Variants in MYO1B observed in about 807,000 individuals in gnomAD.
MYO1B encodes the protein unconventional myosin-Ib.
In MYO1B, 72 loss-of-function variants were observed where a neutral mutation model predicts 159.7. That is an observed-to-expected ratio of 0.45 (90% CI 0.37 to 0.55). The LOEUF is 0.55. Ranked by LOEUF, MYO1B falls within the 20% of genes least tolerant of loss-of-function variation. The pLI is 0.00. For synonymous variants in MYO1B, 468 were observed against 473.8 expected, an observed-to-expected ratio of 0.99 and a Z score of 0.16; for missense variants, 1,062 against 1,364.8, an observed-to-expected ratio of 0.78 and a Z score of 3.50.
chr2:191,257,354 T>A (rs527966573), intron 1 of MYO1B, among the ~76,000 whole-genome samples: 42 of 152,294 alleles, frequency 2.8e-4, no homozygotes, highest in South Asian at 8.3e-4. Context: ...GAGGGGATGT[T>A]GAAGTTAAAT....
intron 1 of MYO1B, among the ~76,000 whole-genome samples, chr2:191,269,869 A>G (rs1262282509): frequency 6.6e-6 from 1 of 152,070 alleles, no homozygotes. Context: ...GGATGGATCA[A>G]TTGTTATTTT....
Position 191,259,247 on chromosome 2 carries a change from A to G in MYO1B, c.-10+13621A>G, listed in dbSNP as rs146422587. Among the ~76,000 whole-genome samples, 80 of 152,318 alleles carry G rather than the reference A, an allele frequency of 5.3e-4. No homozygotes were observed. In the East Asian group the frequency reaches 0.015, roughly 28 times the overall value. ...TCTCATGCCGTGGGCTGCAAGCATA[A>G]TAGGATTTAGGGGGAAACTTTATTT... On this transcript the variant is annotated intron_variant, in intron 1 of 30. Coordinates refer to ENST00000392318, the MANE Select transcript of MYO1B (RefSeq NM_001130158.3).
intron 5 of MYO1B, among the ~76,000 whole-genome samples, chr2:191,344,516 T>C (rs1254616332): frequency 6.6e-6 from 1 of 152,148 alleles, no homozygotes; most frequent in African/African-American, 2.4e-5. Flanking sequence ...TTAACCAAGC[T>C]TGGGCAACTA....
chr2:191,417,894 C>A (rs971922278), intron 30 of MYO1B, among the ~76,000 whole-genome samples: 13 of 152,126 alleles, frequency 8.5e-5, no homozygotes, highest in Non-Finnish European at 1.9e-4. Flanking sequence ...AGCTTGTGTT[C>A]GAAGGTGTGC....
rs1695156315 is a variant in MYO1B, at chr2:191,383,360, G to A, written c.1353+18G>A. On this transcript the variant is annotated intron_variant, in intron 15 of 30. Coordinates refer to ENST00000392318, the MANE Select transcript of MYO1B (RefSeq NM_001130158.3). ...TAGAAAATGTGAGTACTTAGGTACAGTTTTCTAAAGAATGTTTTAGTCCTA... is the reference window on the plus strand; with the variant it reads ...TAGAAAATGTGAGTACTTAGGTACAATTTTCTAAAGAATGTTTTAGTCCTA... The A allele has an allele frequency of 6.6e-7, 1 of 1,513,380 alleles. No individual in the cohort carries two copies. The highest frequency in any genetic ancestry group is 1.4e-5 in the African/African-American group (1 of 70,752). The allele number at this position is 1,513,380 out of a possible 1,614,324, so 93.7% of individuals were successfully genotyped here. A position where few individuals can be genotyped will look rare whatever the true frequency, so the allele number is the denominator to read the frequency against.
intron 16 of MYO1B, 80 bp downstream of exon 16, chr2:191,386,164 G>A (rs111552879): frequency 0.032 from 42,217 of 1,327,148 alleles, 1,516 homozygotes; most frequent in African/African-American, 0.16. Flanking sequence ...ATGGGCGTTC[G>A]AAACCCCATT....
At chr2:191,312,683 C>T (rs1690079905) in intron 3 of MYO1B, among the ~76,000 whole-genome samples, 1 of 152,096 alleles carries the variant, frequency 6.6e-6, no homozygotes, top group African/African-American at 2.4e-5. Context: ...TCAGGTAACA[C>T]CATCCAATGT....
At chr2:191,407,307 A>G (rs944027556) in intron 24 of MYO1B, among the ~76,000 whole-genome samples, 2 of 152,218 alleles carry the variant, frequency 1.3e-5, no homozygotes, top group African/African-American at 4.8e-5. Context: ...AAAGATATGT[A>G]ATATCTGAAT....
chr2:191,272,364 A>G (rs1687503178), intron 1 of MYO1B, among the ~76,000 whole-genome samples: 1 of 152,210 alleles, frequency 6.6e-6, no homozygotes, highest in African/African-American at 2.4e-5. Flanking sequence ...TTGAAACTAG[A>G]ACATGGTCTG....
intron 6 of MYO1B, 83 bp downstream of exon 6, chr2:191,346,365 T>G: frequency 1.2e-6 from 1 of 859,586 alleles, no homozygotes; most frequent in Admixed American, 3.9e-5. Flanking sequence ...TTAATATTTC[T>G]TAATACACAC....
intron 4 of MYO1B, among the ~76,000 whole-genome samples, chr2:191,337,087 T>C (rs1264326327): frequency 2.0e-5 from 3 of 152,134 alleles, no homozygotes; most frequent in Non-Finnish European, 4.4e-5. Context: ...TCTCAAGCCT[T>C]TTTTCCCCCA....
chr2:191,353,753 G>A (rs1244843909), intron 7 of MYO1B, among the ~76,000 whole-genome samples: 1 of 152,162 alleles, frequency 6.6e-6, no homozygotes, highest in African/African-American at 2.4e-5. Flanking sequence ...AATAACAATA[G>A]GACTGATTGC....
At chr2:191,276,014 C>G (rs939427482) in intron 1 of MYO1B, among the ~76,000 whole-genome samples, 1 of 152,184 alleles carries the variant, frequency 6.6e-6, no homozygotes. Context: ...GCCTTTGTAG[C>G]GTGCCTCTGT....
At chr2:191,364,648 C>T (rs1693884404) in intron 11 of MYO1B, among the ~76,000 whole-genome samples, 1 of 152,168 alleles carries the variant, frequency 6.6e-6, no homozygotes, top group Admixed American at 6.5e-5. Flanking sequence ...GCATGACTGC[C>T]TTGTATTTCA....
At chr2:191,375,006 C>G (rs916197626) in intron 13 of MYO1B, among the ~76,000 whole-genome samples, 1 of 152,182 alleles carries the variant, frequency 6.6e-6, no homozygotes, top group Non-Finnish European at 1.5e-5. Flanking sequence ...TTAAAACTGG[C>G]AGATATTTTA....
At chr2:191,316,993 T>A (rs2125880848) in intron 3 of MYO1B, among the ~76,000 whole-genome samples, 1 of 152,336 alleles carries the variant, frequency 6.6e-6, no homozygotes, top group East Asian at 1.9e-4. Flanking sequence ...TGCAGAAAAC[T>A]TGTTCTCAAC....
intron 1 of MYO1B, among the ~76,000 whole-genome samples, chr2:191,257,666 A>G (rs1214181518): frequency 6.6e-6 from 1 of 152,200 alleles, no homozygotes; most frequent in Non-Finnish European, 1.5e-5. Context: ...GGCATTTTAT[A>G]AGTATCTTAA....
intron 2 of MYO1B, among the ~76,000 whole-genome samples, chr2:191,289,666 A>G (rs1333529596): frequency 6.6e-6 from 1 of 152,208 alleles, no homozygotes; most frequent in African/African-American, 2.4e-5. Flanking sequence ...AGAGAATTCG[A>G]TATTTCAAAA....
intron 1 of MYO1B, among the ~76,000 whole-genome samples, chr2:191,270,181 A>G (rs948127544): frequency 4.6e-5 from 7 of 152,234 alleles, no homozygotes; most frequent in African/African-American, 1.7e-4. Flanking sequence ...ACAACATATC[A>G]AAATTTACAA....
Sources: allele counts gnomAD v4.1 joint callset (sites outside exome capture counted in the v4.1 genomes callset), GRCh38; gene constraint gnomAD v4.1.1; transcripts MANE v1.5; gene names NCBI Gene and HGNC (gene_info 2026-07-23, HGNC 2026-07-21).